BACE2: variants seen among roughly 807,000 people sequenced by gnomAD.
BACE2 encodes 56 kDa aspartic-like protease.
A neutral mutation model predicts 46.2 loss-of-function variants in BACE2; 17 were observed. The observed-to-expected ratio is 0.37, with a 90% CI of 0.25 to 0.55. The LOEUF is 0.55. Among genes scored for constraint, BACE2 ranks in the 20% least tolerant of loss-of-function variants. The probability of loss-of-function intolerance (pLI) is 0.82; values close to 1 mark genes in which losing one functional copy is unlikely to be tolerated. For missense variants in BACE2, 595 were observed against 698.1 expected, an observed-to-expected ratio of 0.85 and a Z score of 1.66; for synonymous variants, 277 against 295.9, an observed-to-expected ratio of 0.94 and a Z score of 0.66.
intron 5 of BACE2, 85 bp from the exon 6 acceptor site, chr21:41,245,877 A>G: frequency 1.0e-6 from 1 of 957,414 alleles, no homozygotes; most frequent in Non-Finnish European, 1.6e-6. Context: ...TGTGTAACAG[A>G]CAGATGGTGA....
intron 8 of BACE2, among the ~76,000 whole-genome samples, chr21:41,267,304 T>C (rs541331383): frequency 2.0e-4 from 31 of 152,332 alleles, no homozygotes; most frequent in Non-Finnish European, 3.5e-4. Flanking sequence ...CAGCGTCTCA[T>C]ATCTGACATG....
chr21:41,275,917 T>A lies in BACE2; in HGVS notation c.*293T>A. On this transcript the variant is annotated 3_prime_UTR_variant, in exon 9 of 9. Coordinates refer to ENST00000330333, the MANE Select transcript of BACE2 (RefSeq NM_012105.5). ...TTCGTTATGCCAAAGTGTCTACATGTGCCACCAACATAAAACAAAACCAAG... is the reference window on the plus strand; with the variant it reads ...TTCGTTATGCCAAAGTGTCTACATGAGCCACCAACATAAAACAAAACCAAG... The A allele has an allele frequency of 2.6e-6, 1 of 377,416 alleles. No individual in the cohort carries two copies. The highest frequency in any genetic ancestry group is 4.2e-5 in the South Asian group (1 of 23,616). The allele number at this position is 377,416 out of a possible 1,614,324, so 23.4% of individuals were successfully genotyped here.
intron 8 of BACE2, among the ~76,000 whole-genome samples, chr21:41,258,408 T>A (rs565874234): frequency 9.8e-5 from 15 of 152,330 alleles, no homozygotes; most frequent in African/African-American, 3.4e-4. Flanking sequence ...CCTGGAAGCC[T>A]CAACTCAGAC....
At chr21:41,257,781 T>G (rs191823221) in intron 8 of BACE2, among the ~76,000 whole-genome samples, 2 of 152,324 alleles carry the variant, frequency 1.3e-5, no homozygotes, top group African/African-American at 4.8e-5. Context: ...GAGCCCCTGT[T>G]TCTCGTGGGA....
At chr21:41,265,348 A>G (rs1482444977) in intron 8 of BACE2, among the ~76,000 whole-genome samples, 1 of 152,240 alleles carries the variant, frequency 6.6e-6, no homozygotes, top group East Asian at 1.9e-4. Flanking sequence ...CATCTAGGTT[A>G]AATTATTAGA....
At chr21:41,245,878 C>T in intron 5 of BACE2, 84 bp from the exon 6 acceptor site, 1 of 969,210 alleles carries the variant, frequency 1.0e-6, no homozygotes, top group Non-Finnish European at 1.6e-6. Context: ...GTGTAACAGA[C>T]AGATGGTGAT....
chr21:41,277,038 C>A lies in BACE2; in HGVS notation c.*1414C>A, dbSNP rs1019060151. ...TAGGAGAAGAGTTAAAAGACAGTAT[C>A]CCCTCTCTCCTGCTTGTGTGCCAAG... On this transcript the variant is annotated 3_prime_UTR_variant, in exon 9 of 9. Transcript: ENST00000330333. 43 of 151,536 alleles carry A rather than the reference C, an allele frequency of 2.8e-4. No homozygotes were observed. The highest frequency in any genetic ancestry group is 1.0e-3 in the African/African-American group (42 of 41,348). 9.4% of individuals were successfully genotyped at this position (151,536 alleles called of 1,614,324 possible).
rs1482759718 is a variant in BACE2 at position 41,193,667 on chromosome 21, C to T, written c.312+25092C>T. On this transcript the variant is annotated intron_variant, in intron 1 of 8. Transcript: ENST00000330333. This position sits in a 1 kb window ranked among gnomAD's most constrained non-coding sequence, Gnocchi z 4.2. Reference sequence around the variant, plus strand: ...TCAGGGAGCCAGTGTGGGGGTTCTGCCTGCTACTAAGCATATCTATGCCAA... The same window carrying T: ...TCAGGGAGCCAGTGTGGGGGTTCTGTCTGCTACTAAGCATATCTATGCCAA... Among the ~76,000 whole-genome samples, 2 of 152,200 alleles carry T rather than the reference C, an allele frequency of 1.3e-5. No individual in the cohort carries two copies. The highest frequency in any genetic ancestry group is 2.9e-5 in the Non-Finnish European group (2 of 68,036).
intron 2 of BACE2, among the ~76,000 whole-genome samples, chr21:41,227,681 C>T (rs1986859479): frequency 6.6e-6 from 1 of 152,154 alleles, no homozygotes; most frequent in African/African-American, 2.4e-5. Flanking sequence ...CCTCAAGGAA[C>T]CTATAGCTTG....
intron 1 of BACE2, 51 bp downstream of exon 1, chr21:41,168,626 G>A: frequency 3.2e-6 from 4 of 1,264,924 alleles, no homozygotes; most frequent in East Asian, 3.0e-5. Context: ...TTGGAGGGAG[G>A]GGGCTGTCCA....
At chr21:41,259,215 G>A (rs1987866251) in intron 8 of BACE2, among the ~76,000 whole-genome samples, 1 of 152,018 alleles carries the variant, frequency 6.6e-6, no homozygotes, top group Non-Finnish European at 1.5e-5. Context: ...TGAGTTATTT[G>A]CTAGATGCTC....
chr21:41,257,823 A>G (rs1987832242), intron 8 of BACE2, among the ~76,000 whole-genome samples: 1 of 152,228 alleles, frequency 6.6e-6, no homozygotes, highest in Non-Finnish European at 1.5e-5. Context: ...GGCAGCCCGC[A>G]GCATGACTCT....
chr21:41,177,432 A>G (rs760197783), intron 1 of BACE2: 4 of 152,324 alleles, frequency 2.6e-5, no homozygotes, highest in Non-Finnish European at 4.4e-5. Context: ...CCTAATTTCA[A>G]CAGGACTCCT....
chr21:41,218,988 G>T (rs767283713), intron 1 of BACE2, among the ~76,000 whole-genome samples: 1 of 151,524 alleles, frequency 6.6e-6, no homozygotes, highest in Admixed American at 6.6e-5. Flanking sequence ...TCAGCCTCCC[G>T]AGTAGCTGGG....
intron 8 of BACE2, among the ~76,000 whole-genome samples, chr21:41,259,265 A>T (rs1987868356): frequency 6.6e-6 from 1 of 151,938 alleles, no homozygotes; most frequent in African/African-American, 2.4e-5. Context: ...AATGTACTTG[A>T]GCTTTTGGTA....
intron 1 of BACE2, among the ~76,000 whole-genome samples, chr21:41,175,023 G>T (rs572321542): frequency 6.6e-6 from 1 of 152,158 alleles, no homozygotes; most frequent in South Asian, 2.1e-4. Flanking sequence ...TCCTGGCCTG[G>T]CTCCCCTTCA....
chr21:41,228,050 C>T (rs1206899360), intron 2 of BACE2, among the ~76,000 whole-genome samples: 2 of 152,196 alleles, frequency 1.3e-5, no homozygotes, highest in Admixed American at 1.3e-4. Flanking sequence ...AGCTTTGAGG[C>T]CAGCAGTCCC....
Position 41,278,880 on chromosome 21 carries a change from A to T in BACE2, c.*3256A>T, listed in dbSNP as rs2088517106. 6.6e-6 allele frequency: 1 copy of T among 152,224 alleles called. No homozygotes were observed. The allele number at this position is 152,224 out of a possible 1,614,324, so 9.4% of individuals were successfully genotyped here. A position where few individuals can be genotyped will look rare whatever the true frequency, so the allele number is the denominator to read the frequency against. Reference sequence around the variant, plus strand: ...TTCAACAGTCTGTTCCACAAACAACAGTAATTGAATTTCACAGACTTTATC... The same window carrying T: ...TTCAACAGTCTGTTCCACAAACAACTGTAATTGAATTTCACAGACTTTATC... On this transcript the variant is annotated 3_prime_UTR_variant, in exon 9 of 9. Coordinates refer to ENST00000330333, the MANE Select transcript of BACE2 (RefSeq NM_012105.5).
intron 1 of BACE2, among the ~76,000 whole-genome samples, chr21:41,207,775 T>G (rs1986175594): frequency 6.6e-6 from 1 of 152,248 alleles, no homozygotes; most frequent in Admixed American, 6.5e-5. Context: ...GGAGTGAGGC[T>G]GCTTACGGCT....
Sources: gnomAD v4.1 joint callset for allele counts (sites outside exome capture counted in the v4.1 genomes callset) on GRCh38, gnomAD v4.1.1 for gene constraint, Gnocchi (gnomAD v3.1) non-coding constraint, MANE v1.5 for transcripts, NCBI Gene and HGNC (gene_info 2026-07-23, HGNC 2026-07-21) for gene names.